Variants in ZSWIM5 observed in about 807,000 individuals in gnomAD.
ZSWIM5 encodes zinc finger SWIM-type containing 5.
Under a neutral mutation model 119.6 loss-of-function variants are expected in ZSWIM5, and 55 were observed. The observed-to-expected ratio is 0.46, with a 90% confidence interval of 0.37 to 0.58. The LOEUF (loss-of-function observed/expected upper bound fraction) is 0.58. Among genes scored for constraint, ZSWIM5 ranks in the 20% least tolerant of loss-of-function variants. The probability of loss-of-function intolerance (pLI) is 0.00; values close to 1 mark genes in which losing one functional copy is unlikely to be tolerated. For synonymous variants in ZSWIM5, 537 were observed against 606.9 expected (o/e 0.88, Z 1.69); for missense variants, 1,193 against 1,512.8 (o/e 0.79, Z 3.51).
At chr1:45,174,742 A>T (rs1323276975) in intron 1 of ZSWIM5, among the ~76,000 whole-genome samples, 1 of 152,118 alleles carries the variant, frequency 6.6e-6, no homozygotes, top group Non-Finnish European at 1.5e-5. Flanking sequence ...TCTGTCTCAA[A>T]AAAAAGAAAA....
chr1:45,094,155 A>G (rs1254344355), intron 1 of ZSWIM5, among the ~76,000 whole-genome samples: 2 of 151,804 alleles, frequency 1.3e-5, no homozygotes, highest in East Asian at 3.9e-4. Flanking sequence ...TTCCTGGTTC[A>G]AGTGATTCTC....
At chr1:45,205,482 T>C (rs988518204) in intron 1 of ZSWIM5, among the ~76,000 whole-genome samples, 4 of 152,060 alleles carry the variant, frequency 2.6e-5, no homozygotes, top group South Asian at 2.1e-4. Context: ...ACCTCCCCAT[T>C]CTCTTTGCCT....
intron 1 of ZSWIM5, among the ~76,000 whole-genome samples, chr1:45,202,164 G>T (rs1242579280): frequency 2.6e-5 from 4 of 151,990 alleles, no homozygotes; most frequent in African/African-American, 9.7e-5. Context: ...TTCTCCACAT[G>T]AAATTTTATT....
At chr1:45,138,628 A>G (rs1435943859) in intron 1 of ZSWIM5, among the ~76,000 whole-genome samples, 1 of 152,128 alleles carries the variant, frequency 6.6e-6, no homozygotes, top group East Asian at 1.9e-4. Flanking sequence ...ACTATGGGAC[A>G]TGAGGATACA....
intron 2 of ZSWIM5, among the ~76,000 whole-genome samples, chr1:45,067,879 T>G (rs1166409661): frequency 6.6e-6 from 1 of 152,214 alleles, no homozygotes; most frequent in African/African-American, 2.4e-5. Flanking sequence ...CTAGTCAATG[T>G]AAATGATACT....
intron 11 of ZSWIM5, among the ~76,000 whole-genome samples, chr1:45,030,359 G>A (rs1053385722): frequency 1.3e-5 from 2 of 152,228 alleles, no homozygotes; most frequent in African/African-American, 4.8e-5. Flanking sequence ...TGATTCTTGT[G>A]CCTCAGCCTC....
chr1:45,036,810 T>C (rs1644987768), intron 8 of ZSWIM5, among the ~76,000 whole-genome samples: 1 of 152,102 alleles, frequency 6.6e-6, no homozygotes, highest in Admixed American at 6.6e-5. Context: ...TTTTAATTTT[T>C]TTGGAGACAG....
chr1:45,092,269 T>C (rs1645370407), intron 1 of ZSWIM5, among the ~76,000 whole-genome samples: 1 of 152,012 alleles, frequency 6.6e-6, no homozygotes, highest in African/African-American at 2.4e-5. Flanking sequence ...TGATAGTAGG[T>C]GTGATGGTAA....
chr1:45,069,947 A>C lies in ZSWIM5; in HGVS notation c.953-9700T>G, dbSNP rs557684709. 3 of 642,464 alleles carry C rather than the reference A, an allele frequency of 4.7e-6. No homozygotes were observed. In the African/African-American group the frequency reaches 5.4e-5, roughly 12 times the overall value. 39.8% of individuals were successfully genotyped at this position (642,464 alleles called of 1,614,324 possible). A position where few individuals can be genotyped will look rare whatever the true frequency, so the allele number is the denominator to read the frequency against. On this transcript the variant is annotated intron_variant, in intron 2 of 13. Transcript: ENST00000359600. Reference sequence around the variant, plus strand: ...AAACTTCTTTGATAGGAGCAAATCCAGTATCCACTGATTTCTTCTCAAATG... The same window carrying C: ...AAACTTCTTTGATAGGAGCAAATCCCGTATCCACTGATTTCTTCTCAAATG...
intron 1 of ZSWIM5, among the ~76,000 whole-genome samples, chr1:45,157,391 T>A (rs926332511): frequency 3.3e-5 from 5 of 152,036 alleles, no homozygotes; most frequent in African/African-American, 1.2e-4. Context: ...GCCAGGCTGG[T>A]TTCGAACTCC....
intron 1 of ZSWIM5, among the ~76,000 whole-genome samples, chr1:45,150,622 T>C (rs1241741487): frequency 6.6e-6 from 1 of 152,218 alleles, no homozygotes; most frequent in Non-Finnish European, 1.5e-5. Flanking sequence ...CTTAACTCTT[T>C]GCAATTATTC....
intron 1 of ZSWIM5, among the ~76,000 whole-genome samples, chr1:45,159,418 T>C (rs944335645): frequency 6.6e-6 from 1 of 152,184 alleles, no homozygotes; most frequent in African/African-American, 2.4e-5. Flanking sequence ...GAGGATTAAA[T>C]AAGTTTATAA....
intron 1 of ZSWIM5, among the ~76,000 whole-genome samples, chr1:45,134,440 T>TA (rs1316676881): frequency 3.9e-5 from 6 of 152,226 alleles, no homozygotes; most frequent in Non-Finnish European, 5.9e-5. Context: ...TTAAAAATGT[T>TA]AGACTCAGGC....
At chr1:45,161,762 G>A (rs987801260) in intron 1 of ZSWIM5, among the ~76,000 whole-genome samples, 1 of 152,066 alleles carries the variant, frequency 6.6e-6, no homozygotes, top group Admixed American at 6.6e-5. Context: ...AAGTCAATAA[G>A]GGTTACACTA....
At position 45,036,309 on chromosome 1, in the gene ZSWIM5, A is replaced by G; in HGVS notation, c.1895-10T>C. On this transcript the variant is annotated splice_polypyrimidine_tract_variant and intron_variant, in intron 8 of 13. Transcript: ENST00000359600. ...CTGCTTTCATTCATATCTGAGGGCA[A>G]CAGGGCACCAAATTCTTTAGGTTAG... 6.2e-7 allele frequency: 1 copy of G among 1,605,776 alleles called. No individual in the cohort carries two copies. Among genetic ancestry groups the G allele is most frequent in the Non-Finnish European group, 8.5e-7 (1 of 1,176,076 alleles).
chr1:45,075,877 A>AT (rs58309693), intron 2 of ZSWIM5, among the ~76,000 whole-genome samples: 23,306 of 127,024 alleles, frequency 0.18, 2,619 homozygotes, highest in East Asian at 0.37. Flanking sequence ...TAGCTGTTGT[A>AT]TTTTTTTTTT....
At chr1:45,115,259 G>T (rs1645545473) in intron 1 of ZSWIM5, among the ~76,000 whole-genome samples, 1 of 151,080 alleles carries the variant, frequency 6.6e-6, no homozygotes, top group African/African-American at 2.4e-5. Flanking sequence ...CGAGGTGGCT[G>T]CCGGGCGGGG....
chr1:45,120,848 T>C (rs1368387047), intron 1 of ZSWIM5, among the ~76,000 whole-genome samples: 9 of 152,188 alleles, frequency 5.9e-5, no homozygotes, highest in Non-Finnish European at 1.3e-4. Context: ...CTATACACTA[T>C]TCTTCATCCC....
rs548246056 is a variant in ZSWIM5 at position 45,061,518 on chromosome 1, G to C, written c.953-1271C>G. ...CCCAAGTAGCTGGGATTTCAGGCAT[G>C]TGCCACCATGCCTGGCTAATTTTTG... On this transcript the variant is annotated intron_variant, in intron 2 of 13. Coordinates refer to ENST00000359600, the MANE Select transcript of ZSWIM5 (RefSeq NM_020883.2). Among the ~76,000 whole-genome samples, 4 of 151,864 alleles carry C rather than the reference G, an allele frequency of 2.6e-5. No individual in the cohort carries two copies. In the South Asian group the frequency reaches 8.3e-4, roughly 32 times the overall value.
Sources: gnomAD v4.1 joint callset for allele counts (sites outside exome capture counted in the v4.1 genomes callset) on GRCh38, gnomAD v4.1.1 for gene constraint, MANE v1.5 for transcripts, NCBI Gene and HGNC (gene_info 2026-07-23, HGNC 2026-07-21) for gene names.